Variants in RPAP2 observed in about 807,000 individuals in gnomAD.
RPAP2 encodes putative RNA polymerase II subunit B1 CTD phosphatase RPAP2.
In RPAP2, 52 loss-of-function variants were observed where a neutral mutation model predicts 73.1. That is an observed-to-expected ratio of 0.71 (90% CI 0.57 to 0.90). The LOEUF (loss-of-function observed/expected upper bound fraction) is 0.90. Among genes scored for constraint, RPAP2 ranks in the 40% least tolerant of loss-of-function variants. The probability of loss-of-function intolerance (pLI) is 0.00; values close to 1 mark genes in which losing one functional copy is unlikely to be tolerated. For synonymous variants in RPAP2, 225 were observed against 242.1 expected, an observed-to-expected ratio of 0.93 and a Z score of 0.65; for missense variants, 598 against 701.8, an observed-to-expected ratio of 0.85 and a Z score of 1.67.
chr1:92,380,965 A>C, intron 12 of RPAP2, 92 bp downstream of exon 12: 1 of 1,103,972 alleles, frequency 9.1e-7, no homozygotes, highest in Non-Finnish European at 1.3e-6. Context: ...GTAAAAACCA[A>C]GTACAGACCT....
Position 92,380,707 on chromosome 1 carries a change from A to G in RPAP2, c.1689-17A>G, listed in dbSNP as rs1186241058. On this transcript the variant is annotated splice_polypyrimidine_tract_variant and intron_variant, in intron 11 of 12. Coordinates refer to ENST00000610020, the MANE Select transcript of RPAP2 (RefSeq NM_024813.3). Reference sequence around the variant, plus strand: ...ATCATTTCATGGATATGCATTTAGTATTTTTGGTTGTTTCAGACTGACCCC... The same window carrying G: ...ATCATTTCATGGATATGCATTTAGTGTTTTTGGTTGTTTCAGACTGACCCC... 1 of 1,546,198 alleles carries G rather than the reference A, an allele frequency of 6.5e-7. No individual in the cohort carries two copies. Among genetic ancestry groups the G allele is most frequent in the Non-Finnish European group, 8.7e-7 (1 of 1,153,768 alleles).
chr1:92,380,461 T>G (rs888519090), intron 11 of RPAP2, among the ~76,000 whole-genome samples: 4 of 152,176 alleles, frequency 2.6e-5, no homozygotes, highest in African/African-American at 9.6e-5. Context: ...GAGCAGAATT[T>G]TAGTAGTTTT....
chr1:92,305,338 C>CAGGAGAATG (rs1651134152), intron 5 of RPAP2, among the ~76,000 whole-genome samples: 1 of 147,396 alleles, frequency 6.8e-6, no homozygotes, highest in Non-Finnish European at 1.5e-5. Context: ...GAGGCTGAGG[C>CAGGAGAATG]AGGAGAATGG....
intron 11 of RPAP2, among the ~76,000 whole-genome samples, chr1:92,367,802 A>G (rs955071461): frequency 1.3e-5 from 2 of 152,188 alleles, no homozygotes; most frequent in African/African-American, 4.8e-5. Flanking sequence ...TGTAAGAAAG[A>G]TTATGTGGAG....
At chr1:92,339,770 C>T (rs1344550822) in intron 10 of RPAP2, among the ~76,000 whole-genome samples, 1 of 152,136 alleles carries the variant, frequency 6.6e-6, no homozygotes, top group Non-Finnish European at 1.5e-5. Flanking sequence ...AATCCCAGCA[C>T]TGCAGATATG....
At chr1:92,300,123 C>A in intron 1 of RPAP2, 71 bp from the exon 2 acceptor site, 2 of 1,022,992 alleles carry the variant, frequency 2.0e-6, no homozygotes, top group Non-Finnish European at 3.0e-6. Flanking sequence ...TCTTATGAGA[C>A]CGCTGTCTGT....
chr1:92,382,762 CTTTAG>C (rs1289701488), intron 12 of RPAP2, among the ~76,000 whole-genome samples: 2 of 152,106 alleles, frequency 1.3e-5, no homozygotes, highest in Non-Finnish European at 2.9e-5. Flanking sequence ...TGCAGAAGCT[CTTTAG>C]TTTAATTAGA....
At chr1:92,322,793 C>G (rs922742443) in intron 7 of RPAP2, among the ~76,000 whole-genome samples, 4 of 151,544 alleles carry the variant, frequency 2.6e-5, no homozygotes, top group Admixed American at 2.6e-4. Flanking sequence ...GGGAGAATCG[C>G]TTGAACCTAG....
intron 10 of RPAP2, among the ~76,000 whole-genome samples, chr1:92,338,250 G>T (rs1653387543): frequency 6.6e-6 from 1 of 152,066 alleles, no homozygotes; most frequent in Admixed American, 6.6e-5. Context: ...ACCCTCATTA[G>T]GTGTCATGAA....
chr1:92,305,339 A>G (rs1445016559), intron 5 of RPAP2, among the ~76,000 whole-genome samples: 2 of 149,594 alleles, frequency 1.3e-5, no homozygotes, highest in South Asian at 4.3e-4. Context: ...AGGCTGAGGC[A>G]GGAGAATGGC....
intron 3 of RPAP2, among the ~76,000 whole-genome samples, chr1:92,303,668 T>C (rs1651018985): frequency 6.6e-6 from 1 of 152,236 alleles, no homozygotes; most frequent in Admixed American, 6.5e-5. Flanking sequence ...TTAGCTTGTG[T>C]ATAGCTATAG....
At position 92,323,499 on chromosome 1, in the gene RPAP2, T is replaced by C. The variant is rs1652433280; in HGVS notation, c.579T>C (p.Asp193=). 5 of 1,613,640 alleles carry C rather than the reference T, an allele frequency of 3.1e-6. No individual in the cohort carries two copies. Among genetic ancestry groups the C allele is most frequent in the African/African-American group, 1.3e-5 (1 of 74,898 alleles). The change falls in exon 8 of 13, where the codon GAT becomes GAC. Residue 193 remains aspartate (D), a synonymous_variant. Coordinates refer to ENST00000610020, the MANE Select transcript of RPAP2 (RefSeq NM_024813.3). The part of the protein sequence containing the change: ...QLCSKAIKTS[D]IDNPSHFEKQ... ...GCAGTAAAGCCATTAAAACATCAGA[T>C]ATCGACAATCCTAGCCACTTTGAAA...
chr1:92,314,762 A>C (rs1651809271), intron 6 of RPAP2, among the ~76,000 whole-genome samples: 1 of 148,778 alleles, frequency 6.7e-6, no homozygotes, highest in Non-Finnish European at 1.5e-5. Context: ...AAAAAAAAAA[A>C]GGCTGGGTGT....
chr1:92,354,608 A>G (rs911818293), intron 11 of RPAP2, among the ~76,000 whole-genome samples: 4 of 152,214 alleles, frequency 2.6e-5, no homozygotes, highest in African/African-American at 9.6e-5. Flanking sequence ...AAATGCAAAC[A>G]TTAACAGGAC....
chr1:92,383,396 C>G (rs1335705554), intron 12 of RPAP2, among the ~76,000 whole-genome samples: 2 of 152,220 alleles, frequency 1.3e-5, no homozygotes, highest in Non-Finnish European at 2.9e-5. Flanking sequence ...TCTTCCTACC[C>G]ATGAGCATGG....
rs1014872983 is a variant in RPAP2 at position 92,389,670 on chromosome 1, C to A, written c.*2659C>A. 79 of 152,212 alleles carry A rather than the reference C, an allele frequency of 5.2e-4. No individual in the cohort carries two copies. The highest frequency in any genetic ancestry group is 2.2e-3 in the Admixed American group (33 of 15,288). 9.4% of individuals were successfully genotyped at this position (152,212 alleles called of 1,614,324 possible). ...GAAAAAAGGTTAGACAAATGGCTAA[C>A]TAGAATAACCAGTGTAGAGAAGAGC... On this transcript the variant is annotated 3_prime_UTR_variant, in exon 13 of 13. Transcript: ENST00000610020.
chr1:92,384,360 A>T (rs1382822232), intron 12 of RPAP2, among the ~76,000 whole-genome samples: 1 of 151,498 alleles, frequency 6.6e-6, no homozygotes, highest in Non-Finnish European at 1.5e-5. Context: ...GCAGTGGCTA[A>T]TGCCTGTAAT....
Position 92,399,132 on chromosome 1 carries a change from C to T in RPAP2, c.*12121C>T, listed in dbSNP as rs1055246222. ...AATGAGCTGGCCTCACCTCTGGGGCCTATGAAGAAAAGCCTGCTTCAAGGT... is the reference window on the plus strand; with the variant it reads ...AATGAGCTGGCCTCACCTCTGGGGCTTATGAAGAAAAGCCTGCTTCAAGGT... On this transcript the variant is annotated 3_prime_UTR_variant, in exon 13 of 13. Transcript: ENST00000610020. 1.1e-4 allele frequency: 16 copies of T among 152,218 alleles called. No individual in the cohort carries two copies. The highest frequency in any genetic ancestry group is 3.6e-4 in the African/African-American group (15 of 41,448). 9.4% of individuals were successfully genotyped at this position (152,218 alleles called of 1,614,324 possible). A position where few individuals can be genotyped will look rare whatever the true frequency, so the allele number is the denominator to read the frequency against.
chr1:92,324,246 C>T lies in RPAP2; in HGVS notation c.1326C>T (p.Ala442=), dbSNP rs1289930986. The part of the protein sequence containing the change: ...ESLPFRGSGT[A]IKPLPSYENL... Reference sequence around the variant, plus strand: ...TACCTTTTAGGGGCTCAGGTACAGCCATTAAACCACTGCCAAGTTACGAGA... The same window carrying T: ...TACCTTTTAGGGGCTCAGGTACAGCTATTAAACCACTGCCAAGTTACGAGA... The change falls in exon 8 of 13, where the codon GCC becomes GCT. Residue 442 remains alanine (A), a synonymous_variant. Coordinates refer to ENST00000610020, the MANE Select transcript of RPAP2 (RefSeq NM_024813.3). The T allele has an allele frequency of 1.2e-6, 2 of 1,613,962 alleles. No individual in the cohort carries two copies. The highest frequency in any genetic ancestry group is 1.7e-5 in the Admixed American group (1 of 60,010).
Sources: gnomAD v4.1 joint callset for allele counts (sites outside exome capture counted in the v4.1 genomes callset) on GRCh38, gnomAD v4.1.1 for gene constraint, MANE v1.5 for transcripts, NCBI Gene and HGNC (gene_info 2026-07-23, HGNC 2026-07-21) for gene names.